Variants in DLG2 observed in about 807,000 individuals in gnomAD.
DLG2 encodes discs large MAGUK scaffold protein 2.
DLG2 carries 45 observed loss-of-function variants against 132.5 expected under a neutral mutation model. The observed-to-expected ratio is 0.34, with a 90% CI of 0.27 to 0.44. DLG2 has a LOEUF of 0.44. Ranked by LOEUF, DLG2 falls within the 20% of genes least tolerant of loss-of-function variation. DLG2 has a pLI of 1.00. For synonymous variants in DLG2, 424 were observed against 419.6 expected (o/e 1.01, Z -0.13); for missense variants, 1,045 against 1,196.9 (o/e 0.87, Z 1.87).
chr11:84,748,917 C>T (rs1038036576), intron 6 of DLG2, among the ~76,000 whole-genome samples: 5 of 152,126 alleles, frequency 3.3e-5, no homozygotes, highest in African/African-American at 9.7e-5. Flanking sequence ...CGCCTATAAT[C>T]GCAGCACTTT....
chr11:85,485,792 C>T (rs2093416338), intron 3 of DLG2, among the ~76,000 whole-genome samples: 2 of 152,146 alleles, frequency 1.3e-5, no homozygotes, highest in African/African-American at 4.8e-5. Flanking sequence ...AGACGGGGAA[C>T]CCACATGGAG....
chr11:84,287,865 C>T (rs1004655421), intron 7 of DLG2, among the ~76,000 whole-genome samples: 5 of 151,302 alleles, frequency 3.3e-5, no homozygotes, highest in Admixed American at 2.6e-4. Flanking sequence ...AATGAGACAA[C>T]TGTGATCAGG....
At chr11:84,307,767 C>CTGGAGTT (rs1439978405) in intron 7 of DLG2, among the ~76,000 whole-genome samples, 2 of 148,890 alleles carry the variant, frequency 1.3e-5, no homozygotes, top group East Asian at 4.0e-4. Context: ...GGCGGCGTGT[C>CTGGAGTT]TGGAGTTTGT....
chr11:84,578,907 G>A (rs1031006244), intron 6 of DLG2, among the ~76,000 whole-genome samples: 4 of 152,130 alleles, frequency 2.6e-5, no homozygotes, highest in African/African-American at 4.8e-5. Context: ...CCCAGGGGGA[G>A]GTAATTGAAT....
intron 3 of DLG2, among the ~76,000 whole-genome samples, chr11:85,511,612 T>A (rs1326882001): frequency 6.6e-6 from 1 of 152,064 alleles, no homozygotes; most frequent in Admixed American, 6.6e-5. Flanking sequence ...CAAGGGACTA[T>A]GCATGTCTTG....
intron 6 of DLG2, among the ~76,000 whole-genome samples, chr11:85,086,988 T>A (rs1011372782): frequency 6.6e-6 from 1 of 152,240 alleles, no homozygotes; most frequent in African/African-American, 2.4e-5. Context: ...TTTCCATATG[T>A]TATTTTCTCA....
intron 3 of DLG2, among the ~76,000 whole-genome samples, chr11:85,497,579 A>T (rs548486065): frequency 6.6e-6 from 1 of 152,150 alleles, no homozygotes; most frequent in African/African-American, 2.4e-5. Context: ...TACAGAGAAC[A>T]CCACAAAGAT....
intron 3 of DLG2, among the ~76,000 whole-genome samples, chr11:85,433,743 A>G (rs938369391): frequency 1.2e-4 from 18 of 152,218 alleles, no homozygotes; most frequent in African/African-American, 4.1e-4. Context: ...CCAGCTATCA[A>G]TATTAGACAA....
At chr11:84,316,856 G>A (rs557251074) in intron 7 of DLG2, 4 of 1,612,676 alleles carry the variant, frequency 2.5e-6, no homozygotes, top group African/African-American at 1.3e-5. Context: ...ATGTGGGCAG[G>A]TACAATGCTC....
At chr11:84,214,467 A>ATCTATATG in intron 8 of DLG2, among the ~76,000 whole-genome samples, 1 of 151,768 alleles carries the variant, frequency 6.6e-6, no homozygotes, top group East Asian at 1.9e-4. Flanking sequence ...GTCTGAGTAT[A>ATCTATATG]TCTATATGTA....
Position 85,485,118 on chromosome 11 carries a change from T to C in DLG2, c.40+113539A>G, listed in dbSNP as rs1013010251. Among the ~76,000 whole-genome samples the C allele has an allele frequency of 6.8e-3, 1,032 of 151,304 alleles. 13 individuals carry two copies. Among genetic ancestry groups the C allele is most frequent in the African/African-American group, 0.023 (957 of 41,128 alleles). ...ATCGCAAGGACAAAAAACCAAACAC[T>C]GCATGTTCTCACTCATAGGTGGGAA... On this transcript the variant is annotated intron_variant, in intron 3 of 27. Coordinates refer to ENST00000376104, the MANE Select transcript of DLG2 (RefSeq NM_001142699.3).
chr11:84,832,363 G>T (rs1332480387), intron 6 of DLG2, among the ~76,000 whole-genome samples: 1 of 151,630 alleles, frequency 6.6e-6, no homozygotes, highest in Non-Finnish European at 1.5e-5. Flanking sequence ...ACATTTTACA[G>T]GTAATAAAAA....
intron 6 of DLG2, among the ~76,000 whole-genome samples, chr11:84,925,811 T>G (rs2092956381): frequency 6.6e-6 from 1 of 152,112 alleles, no homozygotes; most frequent in African/African-American, 2.4e-5. Flanking sequence ...ATATTAATGA[T>G]GAACCCTGCC....
At chr11:85,155,096 C>G (rs1383356827) in intron 4 of DLG2, among the ~76,000 whole-genome samples, 1 of 152,156 alleles carries the variant, frequency 6.6e-6, no homozygotes, top group African/African-American at 2.4e-5. Context: ...ATAACTACAG[C>G]TTTAGATGAT....
rs180707203 is a variant in DLG2, at chr11:84,740,286, C to T, written c.358-205555G>A. On this transcript the variant is annotated intron_variant, in intron 6 of 27. Transcript: ENST00000376104. ...CTCCCTCCTTCCAAGCAGATCAGCA[C>T]AAAGGCAAGAGGGAGGTCCTCCTGA... Among the ~76,000 whole-genome samples the T allele has an allele frequency of 1.1e-3, 162 of 152,074 alleles. 1 individual carries two copies. Among genetic ancestry groups the T allele is most frequent in the African/African-American group, 3.7e-3 (155 of 41,478 alleles).
intron 3 of DLG2, among the ~76,000 whole-genome samples, chr11:85,332,695 C>A (rs1290687444): frequency 1.3e-5 from 2 of 152,130 alleles, no homozygotes; most frequent in South Asian, 4.2e-4. Context: ...TATACCAGAA[C>A]CATTTATTGA....
intron 6 of DLG2, among the ~76,000 whole-genome samples, chr11:84,883,948 C>T (rs2087795491): frequency 6.6e-6 from 1 of 152,048 alleles, no homozygotes; most frequent in Non-Finnish European, 1.5e-5. Context: ...ACATGGGTCC[C>T]ATGAGACTTC....
intron 12 of DLG2, among the ~76,000 whole-genome samples, chr11:83,966,140 G>A (rs1231231281): frequency 6.6e-6 from 1 of 151,930 alleles, no homozygotes; most frequent in Non-Finnish European, 1.5e-5. Context: ...ACCCATACAA[G>A]TGAAACTGCT....
rs372611006 is a variant in DLG2, at chr11:84,989,301, G to A, written c.357+122360C>T. 2.0e-4 allele frequency among the ~76,000 whole-genome samples: 31 copies of A among 152,206 alleles called. No homozygotes were observed. The East Asian group carries it at 6.0e-3, about 29-fold the overall frequency. ...AGCAATTCTCCTGTCTCAGCCTCCT[G>A]AGTAGCTGGGATTATAGGCATCTGC... is the stretch of plus-strand genomic sequence containing the variant. On this transcript the variant is annotated intron_variant, in intron 6 of 27. Transcript: ENST00000376104.
Sources: allele counts gnomAD v4.1 joint callset (sites outside exome capture counted in the v4.1 genomes callset), GRCh38; gene constraint gnomAD v4.1.1; transcripts MANE v1.5; gene names NCBI Gene and HGNC (gene_info 2026-07-23, HGNC 2026-07-21).